ACAA2: variants seen among roughly 807,000 people sequenced by gnomAD.
The protein encoded by ACAA2 is 3-ketoacyl-CoA thiolase, mitochondrial.
A neutral mutation model predicts 44.8 loss-of-function variants in ACAA2; 35 were observed. The observed-to-expected ratio is 0.78, with a 90% CI of 0.60 to 1.04. The LOEUF (loss-of-function observed/expected upper bound fraction) is 1.04, where lower values mean the gene tolerates loss of function less well. Ranked by LOEUF, ACAA2 falls within the 50% of genes least tolerant of loss-of-function variation. The pLI is 0.00. For synonymous variants in ACAA2, 142 were observed against 166.5 expected, an observed-to-expected ratio of 0.85 and a Z score of 1.13; for missense variants, 468 against 482.6, an observed-to-expected ratio of 0.97 and a Z score of 0.28.
At chr18:49,787,439 T>C (rs1484316049) in intron 7 of ACAA2, 78 bp from the exon 8 acceptor site, 8 of 1,063,700 alleles carry the variant, frequency 7.5e-6, no homozygotes, top group East Asian at 3.1e-5. Context: ...CTTCTCCTTC[T>C]TTCCAAGTAA....
rs768960336 is a variant in ACAA2, at chr18:49,802,857, T to C, written c.17-4A>G. 3.1e-6 allele frequency: 5 copies of C among 1,613,842 alleles called. No individual in the cohort carries two copies. Among genetic ancestry groups the C allele is most frequent in the East Asian group, 2.2e-5 (1 of 44,888 alleles). On this transcript the variant is annotated splice_polypyrimidine_tract_variant and splice_region_variant and intron_variant, in intron 1 of 9. Transcript: ENST00000285093. ...TTAGCAGCAACTACAAACACACCTA[T>C]TGCAACAAGAAGAGATTTGTAAGCC...
At chr18:49,792,054 C>T in intron 6 of ACAA2, 98 bp downstream of exon 6, 1 of 971,252 alleles carries the variant, frequency 1.0e-6, no homozygotes, top group Admixed American at 2.6e-5. Context: ...AGCTAAACAA[C>T]TAAAGACTGG....
intron 7 of ACAA2, 140 bp from the exon 8 acceptor site, chr18:49,787,501 C>A (rs775850531): frequency 3.4e-6 from 2 of 590,904 alleles, no homozygotes; most frequent in African/African-American, 3.9e-5. Flanking sequence ...CTACCTTGAC[C>A]GTACCTATTA....
intron 5 of ACAA2, among the ~76,000 whole-genome samples, chr18:49,793,511 A>G (rs898153055): frequency 3.9e-5 from 6 of 152,344 alleles, no homozygotes; most frequent in African/African-American, 1.4e-4. Flanking sequence ...ATCCTCTTCC[A>G]CTATGAACAT....
rs1417959982 is a variant in ACAA2, at chr18:49,791,494, A to T, written c.859T>A (p.Cys287Ser). 6.2e-7 allele frequency: 1 copy of T among 1,612,182 alleles called. No homozygotes were observed. The highest frequency in any genetic ancestry group is 1.1e-5 in the South Asian group (1 of 90,986). ...CCAATACCCATGATAGAGGGATCAC[A>T]TCCAGATACAAAGTAGCCCACAATT... Reference protein sequence around the residue: ...ARIVGYFVSGCDPSIMGIGPV... With the variant: ...ARIVGYFVSGSDPSIMGIGPV... Residue 287 changes from cysteine (C) to serine (S), a missense_variant, in exon 7 of 10, where the codon TGT becomes AGT. Coordinates refer to ENST00000285093, the MANE Select transcript of ACAA2 (RefSeq NM_006111.3).
rs201740470 is a variant in ACAA2, at chr18:49,784,491, C to T, written c.1110-560G>A. On this transcript the variant is annotated intron_variant, in intron 9 of 9. Transcript: ENST00000285093. ...CTCCTCACTCCTAATATGATGACTT[C>T]GAGAAAATTATCCAGGAATTACTTT... Among the ~76,000 whole-genome samples the T allele has an allele frequency of 1.3e-4, 20 of 152,080 alleles. No homozygotes were observed. In the East Asian group the frequency reaches 2.4e-3, roughly 18 times the overall value.
At chr18:49,796,570 TCTC>T (rs2143961672) in intron 3 of ACAA2, among the ~76,000 whole-genome samples, 1 of 152,350 alleles carries the variant, frequency 6.6e-6, no homozygotes, top group East Asian at 1.9e-4. Flanking sequence ...TTCACTTTCT[TCTC>T]TGTGCTCAAA....
At chr18:49,795,920 G>A (rs748594033) in intron 3 of ACAA2, 39 bp from the exon 4 acceptor site, 40 of 1,270,016 alleles carry the variant, frequency 3.1e-5, no homozygotes, top group Admixed American at 7.2e-5. Flanking sequence ...TCCTTTTACC[G>A]TACCCAAACA....
At position 49,810,986 on chromosome 18, in the gene ACAA2, T is replaced by A. The variant is rs185329622; in HGVS notation, c.16+2483A>T. 8.9e-3 allele frequency among the ~76,000 whole-genome samples: 608 copies of A among 68,686 alleles called. 25 individuals are homozygous for A. The highest frequency in any genetic ancestry group is 0.03 in the African/African-American group (544 of 18,146). 45.1% of individuals were successfully genotyped at this position (68,686 alleles called of 152,430 possible). A position where few individuals can be genotyped will look rare whatever the true frequency, so the allele number is the denominator to read the frequency against. On this transcript the variant is annotated intron_variant, in intron 1 of 9. Coordinates refer to ENST00000285093, the MANE Select transcript of ACAA2 (RefSeq NM_006111.3). ...ATAAAGGTTTAAAGTTTTTTTTTTT[T>A]AATTTCATAAATTGTATACCATGTC... is the stretch of plus-strand genomic sequence containing the variant.
intron 5 of ACAA2, among the ~76,000 whole-genome samples, chr18:49,793,504 C>G (rs78298796): frequency 6.6e-6 from 1 of 152,134 alleles, no homozygotes; most frequent in Non-Finnish European, 1.5e-5. Context: ...TAGACCAATC[C>G]TCTTCCACTA....
chr18:49,798,180 G>A (rs2023486949), intron 2 of ACAA2, among the ~76,000 whole-genome samples: 1 of 152,176 alleles, frequency 6.6e-6, no homozygotes, highest in South Asian at 2.1e-4. Flanking sequence ...TGGAGGTGGG[G>A]CCTGGGCATC....
intron 1 of ACAA2, among the ~76,000 whole-genome samples, chr18:49,805,327 A>T (rs2023599126): frequency 6.6e-6 from 1 of 152,212 alleles, no homozygotes; most frequent in African/African-American, 2.4e-5. Flanking sequence ...TATTTTGAGA[A>T]ATTTGCAGTT....
At chr18:49,792,375 G>T in intron 5 of ACAA2, 48 bp from the exon 6 acceptor site, 1 of 1,466,210 alleles carries the variant, frequency 6.8e-7, no homozygotes. Flanking sequence ...AGAGAAACAT[G>T]AAAATAAATC....
At chr18:49,790,395 A>C (rs1257724838) in intron 7 of ACAA2, among the ~76,000 whole-genome samples, 1 of 152,172 alleles carries the variant, frequency 6.6e-6, no homozygotes, top group Non-Finnish European at 1.5e-5. Context: ...GTATTGTTTG[A>C]GTAGAACCTG....
At position 49,802,835 on chromosome 18, in the gene ACAA2, G is replaced by A. The variant is rs775650862; in HGVS notation, c.35C>T (p.Ala12Val). The A allele has an allele frequency of 1.9e-6, 3 of 1,614,062 alleles. No individual in the cohort carries two copies. The highest frequency in any genetic ancestry group is 4.5e-5 in the East Asian group (2 of 44,880). ...GTAAGCTCCAAAGGGCGTTCGCTTA[G>A]CAGCAACTACAAACACACCTATTGC... ...ALLRGVFVVA[A>V]KRTPFGAYGG... Residue 12 changes from alanine (A) to valine (V), a missense_variant, in exon 2 of 10, where the codon GCT (alanine) becomes GTT (valine). By Grantham distance (64) the Ala-to-Val change is moderately conservative. Coordinates refer to ENST00000285093, the MANE Select transcript of ACAA2 (RefSeq NM_006111.3).
Position 49,791,482 on chromosome 18 carries a change from T to TAGAGGGATCACATCCAGATACAA in ACAA2, c.848_870dup (p.Ile291LeufsTer22), listed in dbSNP as rs1568585941. The TAGAGGGATCACATCCAGATACAA allele has an allele frequency of 6.2e-7, 1 of 1,611,790 alleles. No individual in the cohort carries two copies. The highest frequency in any genetic ancestry group is 2.2e-5 in the East Asian group (1 of 44,840). On this transcript the variant is annotated frameshift_variant, in exon 7 of 10. Coordinates refer to ENST00000285093, the MANE Select transcript of ACAA2 (RefSeq NM_006111.3). LOFTEE classifies it high-confidence loss of function. ...ACTATAAACTTACCAATACCCATGA[T>TAGAGGGATCACATCCAGATACAA]AGAGGGATCACATCCAGATACAAAG...
At chr18:49,786,548 G>A (rs897434534) in intron 8 of ACAA2, 1 of 152,158 alleles carries the variant, frequency 6.6e-6, no homozygotes, top group African/African-American at 2.4e-5. Flanking sequence ...GATTATCATA[G>A]AGGAAATCAC....
intron 9 of ACAA2, among the ~76,000 whole-genome samples, chr18:49,784,141 AAAAC>A (rs1405930698): frequency 6.6e-6 from 1 of 152,198 alleles, no homozygotes; most frequent in Non-Finnish European, 1.5e-5. Flanking sequence ...ACAAAGAACA[AAAAC>A]AAACACCAGA....
At chr18:49,808,653 G>C (rs1181952243) in intron 1 of ACAA2, among the ~76,000 whole-genome samples, 1 of 152,198 alleles carries the variant, frequency 6.6e-6, no homozygotes. Context: ...AGGGGAGCAG[G>C]TGTACGAACA....
Sources: allele counts gnomAD v4.1 joint callset (sites outside exome capture counted in the v4.1 genomes callset), GRCh38; gene constraint gnomAD v4.1.1; transcripts MANE v1.5; gene names NCBI Gene and HGNC (gene_info 2026-07-23, HGNC 2026-07-21).